Variants in RANBP2 observed in about 807,000 individuals in gnomAD.
The protein encoded by RANBP2 is E3 SUMO-protein ligase RanBP2.
Under a neutral mutation model 303.6 loss-of-function variants are expected in RANBP2, and 57 were observed. That is an observed-to-expected ratio of 0.19 (90% CI 0.15 to 0.23). RANBP2 has a LOEUF of 0.23. RANBP2 is among the 10% of genes least tolerant of loss of function. The pLI is 1.00. For synonymous variants in RANBP2, 1,167 were observed against 1,301.5 expected (o/e 0.90, Z 2.23); for missense variants, 3,138 against 3,780.8 (o/e 0.83, Z 4.46).
chr2:109,155,257 T>C, the RANBP2 span, among the ~76,000 whole-genome samples: 1 of 152,230 alleles, frequency 6.6e-6, no homozygotes, highest in Non-Finnish European at 1.5e-5. Flanking sequence ...ATTTGTGGAA[T>C]AATTTTCCCA....
the RANBP2 span, among the ~76,000 whole-genome samples, chr2:109,726,572 C>A: frequency 3.3e-5 from 5 of 152,162 alleles, no homozygotes; most frequent in Non-Finnish European, 5.9e-5. Flanking sequence ...TGATCATTAA[C>A]CACTTTCGTT....
the RANBP2 span, among the ~76,000 whole-genome samples, chr2:108,821,160 C>T: frequency 1.2e-4 from 18 of 152,092 alleles, no homozygotes; most frequent in African/African-American, 2.9e-4. Flanking sequence ...GAGTTTGAGA[C>T]CAGCCTGGCC....
At chr2:109,131,615 G>A in the RANBP2 span, among the ~76,000 whole-genome samples, 1 of 152,156 alleles carries the variant, frequency 6.6e-6, no homozygotes, top group Non-Finnish European at 1.5e-5. Context: ...AGGTTAGGAG[G>A]TAACCTCTGA....
At chr2:109,726,712 G>A in the RANBP2 span, among the ~76,000 whole-genome samples, 1 of 152,130 alleles carries the variant, frequency 6.6e-6, no homozygotes, top group Non-Finnish European at 1.5e-5. Flanking sequence ...GCTAGGAGGG[G>A]CTGAAACAGG....
At chr2:108,831,412 G>GA in the RANBP2 span, among the ~76,000 whole-genome samples, 1 of 152,130 alleles carries the variant, frequency 6.6e-6, no homozygotes, top group Non-Finnish European at 1.5e-5. Flanking sequence ...CAAAAGATAA[G>GA]AAAAAGTACT....
chr2:109,238,869 C>G, the RANBP2 span, among the ~76,000 whole-genome samples: 1,122 of 152,210 alleles, frequency 7.4e-3, 9 homozygotes, highest in South Asian at 0.024. Context: ...TCTCTCTGTC[C>G]CAAGGGAGGA....
At chr2:109,377,805 A>G in the RANBP2 span, among the ~76,000 whole-genome samples, 5 of 152,154 alleles carry the variant, frequency 3.3e-5, no homozygotes, top group African/African-American at 1.2e-4. Context: ...CTGCTCCTGT[A>G]GCACCGGTGC....
the RANBP2 span, among the ~76,000 whole-genome samples, chr2:109,306,799 C>A: frequency 6.6e-6 from 1 of 152,212 alleles, no homozygotes; most frequent in East Asian, 1.9e-4. Flanking sequence ...CTTTGATAGA[C>A]TGGTTGATTA....
chr2:109,370,048 G>A, the RANBP2 span, among the ~76,000 whole-genome samples: 1 of 152,076 alleles, frequency 6.6e-6, no homozygotes, highest in Non-Finnish European at 1.5e-5. Flanking sequence ...AACAAATAAC[G>A]GGGGCAGTTT....
the RANBP2 span, among the ~76,000 whole-genome samples, chr2:109,520,811 A>T: frequency 2.3e-5 from 3 of 129,354 alleles, 1 homozygote; most frequent in Admixed American, 2.3e-4. Flanking sequence ...GGCGTCTGTA[A>T]TCCCAGCTAC....
the RANBP2 span, among the ~76,000 whole-genome samples, chr2:109,324,329 C>G: frequency 6.6e-6 from 1 of 152,072 alleles, no homozygotes. Context: ...GGTACTGGGT[C>G]GCATGGTAAC....
the RANBP2 span, among the ~76,000 whole-genome samples, chr2:109,290,512 TC>T: frequency 6.6e-6 from 1 of 152,236 alleles, no homozygotes; most frequent in Non-Finnish European, 1.5e-5. Context: ...CCTCACTGTC[TC>T]CTACACATAT....
the RANBP2 span, among the ~76,000 whole-genome samples, chr2:108,968,035 C>T: frequency 6.6e-6 from 1 of 152,200 alleles, no homozygotes; most frequent in African/African-American, 2.4e-5. Flanking sequence ...GAGCATAGGA[C>T]ATGCGCCCAC....
chr2:109,475,546 G>A, the RANBP2 span, among the ~76,000 whole-genome samples: 4 of 152,346 alleles, frequency 2.6e-5, no homozygotes, highest in East Asian at 7.7e-4. Context: ...TGGGGACAGG[G>A]ACATATGCCA....
At chr2:109,496,608 A>G in the RANBP2 span, among the ~76,000 whole-genome samples, 2 of 152,196 alleles carry the variant, frequency 1.3e-5, no homozygotes, top group Non-Finnish European at 2.9e-5. Context: ...AGATGTTCAC[A>G]TCGGATCAGC....
the RANBP2 span, among the ~76,000 whole-genome samples, chr2:108,810,696 AC>A: frequency 2.0e-5 from 3 of 152,088 alleles, no homozygotes; most frequent in Admixed American, 2.0e-4. Flanking sequence ...AGAATTCTCT[AC>A]CCTTCAGTTT....
chr2:109,007,062 A>G, the RANBP2 span, among the ~76,000 whole-genome samples: 1 of 152,190 alleles, frequency 6.6e-6, no homozygotes, highest in Non-Finnish European at 1.5e-5. Flanking sequence ...TGATTGCTTC[A>G]AGGTGTCTTA....
At chr2:109,705,787 T>C in the RANBP2 span, among the ~76,000 whole-genome samples, 1 of 152,218 alleles carries the variant, frequency 6.6e-6, no homozygotes, top group Non-Finnish European at 1.5e-5. Context: ...GCTCTTGGAC[T>C]CTTACAAGAA....
At chr2:108,787,987 A>T (rs745442016), downstream of RANBP2, 1 of 1,403,464 alleles carries the variant, frequency 7.1e-7, no homozygotes, top group Non-Finnish European at 9.7e-7. Flanking sequence ...GAGACAGTAA[A>T]TTGATTTTTA....
Sources: gnomAD v4.1 joint callset for allele counts (sites outside exome capture counted in the v4.1 genomes callset) on GRCh38, gnomAD v4.1.1 for gene constraint, MANE v1.5 for transcripts, NCBI Gene and HGNC (gene_info 2026-07-23, HGNC 2026-07-21) for gene names.